UGT1A10: variants seen among roughly 807,000 people sequenced by gnomAD.
The protein encoded by UGT1A10 is UDP-glucuronosyltransferase 1A10.
In UGT1A10, 49 loss-of-function variants were observed where a neutral mutation model predicts 45.8. That is an observed-to-expected ratio of 1.07 (90% CI 0.85 to 1.36). UGT1A10 has a LOEUF of 1.36. Ranked by LOEUF, UGT1A10 falls within the 40% of genes most tolerant of loss-of-function variation. The pLI, the probability that UGT1A10 is intolerant of heterozygous loss-of-function variation, is 0.00. For missense variants in UGT1A10, 745 were observed against 668.6 expected, an observed-to-expected ratio of 1.11 and a Z score of -1.26; for synonymous variants, 284 against 249.7, an observed-to-expected ratio of 1.14 and a Z score of -1.29.
chr2:233,711,161 T>C (rs2076166477), intron 1 of UGT1A10, among the ~76,000 whole-genome samples: 4 of 152,226 alleles, frequency 2.6e-5, no homozygotes, highest in African/African-American at 4.8e-5. Context: ...TCCTATTTCC[T>C]GGGCACCAGG....
Position 233,768,313 on chromosome 2 carries a change from T to C in UGT1A10, c.1169T>C (p.Leu390Ser). 6.2e-7 allele frequency: 1 copy of C among 1,614,194 alleles called. No individual in the cohort carries two copies. The highest frequency in any genetic ancestry group is 8.5e-7 in the Non-Finnish European group (1 of 1,180,048). ...CNGVPMVMMP[L>S]FGDQMDNAKR... The stretch of plus-strand genomic sequence containing the variant: ...GGCGTTCCCATGGTGATGATGCCCT[T>C]GTTTGGTGATCAGATGGACAATGCA... Residue 390 changes from leucine (L) to serine (S), a missense_variant, in exon 4 of 5, where the codon TTG becomes TCG. By Grantham distance (145) the Leu-to-Ser change is moderately radical. Coordinates refer to ENST00000344644, the MANE Select transcript of UGT1A10 (RefSeq NM_019075.4).
rs551553193 is a variant in UGT1A10, at chr2:233,693,077, G to A, written c.855+55700G>A. On this transcript the variant is annotated intron_variant, in intron 1 of 4. Transcript: ENST00000344644. ...CTTCTTAGCACTTTGGGGCATGGTT[G>A]TAGGTGACAAGCTGCTGGTGGTCCC... The A allele has an allele frequency of 1.2e-5, 20 of 1,614,204 alleles. No homozygotes were observed. In the East Asian group the frequency reaches 4.2e-4, roughly 34 times the overall value.
intron 1 of UGT1A10, among the ~76,000 whole-genome samples, chr2:233,651,090 C>G (rs2073728468): frequency 1.3e-5 from 2 of 152,190 alleles, no homozygotes; most frequent in Non-Finnish European, 2.9e-5. Context: ...TCAAGTGAGG[C>G]ATGGCTTTCA....
At chr2:233,663,733 G>T (rs977861506) in intron 1 of UGT1A10, among the ~76,000 whole-genome samples, 2 of 152,154 alleles carry the variant, frequency 1.3e-5, no homozygotes, top group Admixed American at 1.3e-4. Flanking sequence ...CCCAAAGTTG[G>T]TTCAGTCTAT....
At chr2:233,682,262 T>C in intron 1 of UGT1A10, 1 of 1,614,238 alleles carries the variant, frequency 6.2e-7, no homozygotes, top group African/African-American at 1.3e-5. Context: ...ATTTTCTCTA[T>C]TAACAAGTTC....
intron 1 of UGT1A10, among the ~76,000 whole-genome samples, chr2:233,661,112 T>C (rs1365998855): frequency 6.6e-6 from 1 of 152,110 alleles, no homozygotes; most frequent in Non-Finnish European, 1.5e-5. Flanking sequence ...ATAATCATGA[T>C]ACAGAATTAC....
chr2:233,730,030 G>T (rs1248063013), intron 1 of UGT1A10: 4 of 1,613,378 alleles, frequency 2.5e-6, no homozygotes, highest in Non-Finnish European at 3.4e-6. Flanking sequence ...AATGTTCCAG[G>T]CAAAACACTT....
chr2:233,710,160 A>G (rs1395236819), intron 1 of UGT1A10, among the ~76,000 whole-genome samples: 2 of 152,194 alleles, frequency 1.3e-5, no homozygotes, highest in Admixed American at 1.3e-4. Context: ...TCATTTGCTT[A>G]TGCATTTATT....
At chr2:233,680,965 G>C (rs1380712163) in intron 1 of UGT1A10, among the ~76,000 whole-genome samples, 2 of 152,046 alleles carry the variant, frequency 1.3e-5, no homozygotes, top group Non-Finnish European at 2.9e-5. Context: ...ATTTCTGGAA[G>C]GGTCCATGGA....
intron 1 of UGT1A10, among the ~76,000 whole-genome samples, chr2:233,645,725 C>T (rs948730662): frequency 2.6e-5 from 4 of 152,238 alleles, no homozygotes; most frequent in Admixed American, 6.5e-5. Context: ...TCTTAGGCAG[C>T]TCCACCCCTG....
At chr2:233,685,534 C>A (rs558249982) in intron 1 of UGT1A10, among the ~76,000 whole-genome samples, 1 of 152,210 alleles carries the variant, frequency 6.6e-6, no homozygotes, top group Admixed American at 6.5e-5. Flanking sequence ...CCATTGCTCT[C>A]GCATTCTGTT....
chr2:233,681,742 A>G, intron 1 of UGT1A10: 1 of 791,060 alleles, frequency 1.3e-6, no homozygotes, highest in Non-Finnish European at 1.5e-6. Context: ...TCTTGAAAAC[A>G]TATAAGCAGG....
At chr2:233,638,582 T>G (rs906574155) in intron 1 of UGT1A10, among the ~76,000 whole-genome samples, 1 of 152,200 alleles carries the variant, frequency 6.6e-6, no homozygotes, top group Non-Finnish European at 1.5e-5. Context: ...GAAAAATCCT[T>G]GAAAAATACC....
At chr2:233,695,903 T>C (rs1451387957) in intron 1 of UGT1A10, among the ~76,000 whole-genome samples, 2 of 151,728 alleles carry the variant, frequency 1.3e-5, no homozygotes, top group African/African-American at 4.8e-5. Context: ...ATGTGTGGGG[T>C]TTTTTTTCTC....
chr2:233,713,499 G>A, intron 1 of UGT1A10: 4 of 1,614,000 alleles, frequency 2.5e-6, no homozygotes, highest in Middle Eastern at 1.7e-4. Flanking sequence ...GATTCCTGCT[G>A]TGTTTTTCTT....
chr2:233,742,713 C>A (rs546122146), intron 1 of UGT1A10: 1 of 152,522 alleles, frequency 6.6e-6, no homozygotes. Flanking sequence ...CCGATTTCAG[C>A]TCAGTGATAT....
chr2:233,743,077 A>C (rs980978105), intron 1 of UGT1A10: 3 of 344,556 alleles, frequency 8.7e-6, no homozygotes, highest in African/African-American at 2.2e-5. Context: ...TGTTGGCATG[A>C]AGTGTTTATA....
At chr2:233,676,891 T>G (rs2074374210) in intron 1 of UGT1A10, among the ~76,000 whole-genome samples, 1 of 152,246 alleles carries the variant, frequency 6.6e-6, no homozygotes, top group African/African-American at 2.4e-5. Context: ...TTCATACATC[T>G]GTGCACGTAT....
At chr2:233,668,059 A>ATT (rs34354669) in intron 1 of UGT1A10, among the ~76,000 whole-genome samples, 66 of 151,368 alleles carry the variant, frequency 4.4e-4, no homozygotes, top group South Asian at 2.1e-3. Context: ...TACTGTGCAC[A>ATT]TTTTTTTTTA....
Sources: allele counts gnomAD v4.1 joint callset (sites outside exome capture counted in the v4.1 genomes callset), GRCh38; gene constraint gnomAD v4.1.1; transcripts MANE v1.5; gene names NCBI Gene and HGNC (gene_info 2026-07-23, HGNC 2026-07-21).